The following LILRB5 variants were observed in gnomAD, a reference collection of about 807,000 sequenced individuals.
LILRB5 encodes the protein leukocyte immunoglobulin-like receptor subfamily B member 5.
LILRB5 carries 61 observed loss-of-function variants against 68.4 expected under a neutral mutation model. The ratio of observed to expected loss-of-function variants is 0.89; its 90% confidence interval spans 0.73 to 1.10. LILRB5 has a LOEUF of 1.10. Among genes scored for constraint, LILRB5 ranks in the 50% least tolerant of loss-of-function variants. The pLI is 0.00. For synonymous variants in LILRB5, 356 were observed against 315.8 expected (o/e 1.13, Z -1.35); for missense variants, 771 against 751.6 (o/e 1.03, Z -0.30).
chr19:54,254,370 G>A lies in LILRB5; in HGVS notation c.1301C>T (p.Thr434Ile), dbSNP rs1261922400. 14 of 1,580,590 alleles carry A rather than the reference G, an allele frequency of 8.9e-6. No homozygotes were observed. The highest frequency in any genetic ancestry group is 1.1e-5 in the Non-Finnish European group (13 of 1,163,272). Residue 434 changes from threonine (T) to isoleucine (I), a missense_variant, in exon 7 of 13, where the codon ACA becomes ATA. Coordinates refer to ENST00000449561, the MANE Select transcript of LILRB5 (RefSeq NM_001081442.3). ...PSLSPTGSTP[T>I]PAGPEDQPLT... Reference sequence around the variant, plus strand: ...CAGAGGCCTCAGTGACTCACCAGGTGTGGGGGTGGAGCCTGTAGGTGAGAG... The same window carrying A: ...CAGAGGCCTCAGTGACTCACCAGGTATGGGGGTGGAGCCTGTAGGTGAGAG...
intron 4 of LILRB5, 27 bp downstream of exon 4, chr19:54,256,016 T>A (rs779473691): frequency 1.3e-6 from 2 of 1,510,712 alleles, no homozygotes; most frequent in East Asian, 4.5e-5. Flanking sequence ...CCCAAAATTA[T>A]ATAAAGAAGT....
In LILRB5 at chr19:54,254,546, G is replaced by C. The variant is rs1267011597; in HGVS notation, c.1256-131C>G. ...TCACCATTTGCATCCCAGGAGATGG[G>C]GCCAAGTGTGGGCATGCCTGGGGAG... On this transcript the variant is annotated intron_variant, in intron 6 of 12. Transcript: ENST00000449561. 3.9e-6 allele frequency: 5 copies of C among 1,286,670 alleles called. No individual in the cohort carries two copies. The South Asian group carries it at 6.8e-5, about 18-fold the overall frequency. 79.7% of individuals were successfully genotyped at this position (1,286,670 alleles called of 1,614,324 possible).
Position 54,255,796 on chromosome 19 carries a change from T to A in LILRB5, c.656-214A>T, listed in dbSNP as rs1601045587. The A allele has an allele frequency of 7.1e-6, 5 of 707,526 alleles. No homozygotes were observed. The African/African-American group carries it at 7.2e-5, about 10-fold the overall frequency. 43.8% of individuals were successfully genotyped at this position (707,526 alleles called of 1,614,324 possible). On this transcript the variant is annotated intron_variant, in intron 4 of 12. Transcript: ENST00000449561. ...GCCACTGTCTGTCTGGTCTGTCCTC[T>A]CCTCATTGAGGGACAGGAAATTGCA...
At chr19:54,253,993 C>T in intron 8 of LILRB5, 25 bp downstream of exon 8, 2 of 1,575,310 alleles carry the variant, frequency 1.3e-6, no homozygotes, top group African/African-American at 2.7e-5. Context: ...CTCCGCCCAC[C>T]TCCCACTCAG....
chr19:54,254,650 G>A (rs772677955), intron 6 of LILRB5, 85 bp downstream of exon 6: 19 of 1,540,640 alleles, frequency 1.2e-5, no homozygotes, highest in South Asian at 2.3e-5. Flanking sequence ...CCCGCACCGC[G>A]ACTCCATCCC....
chr19:54,255,475 G>C lies in LILRB5; in HGVS notation c.763C>G (p.Leu255Val). 2 of 1,614,138 alleles carry C rather than the reference G, an allele frequency of 1.2e-6. No homozygotes were observed. The highest frequency in any genetic ancestry group is 1.7e-6 in the Non-Finnish European group (2 of 1,180,000). ...AGGTCATGTTCCCCCTCCTTGTACA[G>C]AACGAATATGTCATAGCCGACATCA... ...RSDVGYDIFV[L>V]YKEGEHDLVQ... The change falls in exon 5 of 13, where the codon CTG becomes GTG. Residue 255 changes from leucine to valine, a missense_variant. Physicochemically the swap from Leu to Val is conservative, Grantham distance 32. Coordinates refer to ENST00000449561, the MANE Select transcript of LILRB5 (RefSeq NM_001081442.3).
chr19:54,250,540 C>T lies in LILRB5; in HGVS notation c.*246G>A. The T allele has an allele frequency of 1.9e-6, 1 of 523,754 alleles. No individual in the cohort carries two copies. The highest frequency in any genetic ancestry group is 3.3e-5 in the South Asian group (1 of 30,644). 32.4% of individuals were successfully genotyped at this position (523,754 alleles called of 1,614,324 possible). A position where few individuals can be genotyped will look rare whatever the true frequency, so the allele number is the denominator to read the frequency against. ...CCAAATTTATACCATGCTCTAATTT[C>T]TGTTTCAGTTTTCTCAGCTCATTGA... On this transcript the variant is annotated 3_prime_UTR_variant, in exon 13 of 13. Coordinates refer to ENST00000449561, the MANE Select transcript of LILRB5 (RefSeq NM_001081442.3).
intron 12 of LILRB5, chr19:54,251,715 G>A (rs1359651490): frequency 3.1e-6 from 2 of 649,606 alleles, no homozygotes; most frequent in African/African-American, 1.8e-5. Flanking sequence ...CATCCACAGT[G>A]AGCTCCCTGG....
At position 54,256,688 on chromosome 19, in the gene LILRB5, G is replaced by A. The variant is rs2147668282; in HGVS notation, c.156C>T (p.Pro52=). The change falls in exon 3 of 13, where the codon CCC becomes CCT. Residue 52 remains proline, a synonymous_variant. Coordinates refer to ENST00000449561, the MANE Select transcript of LILRB5 (RefSeq NM_001081442.3). ...GKPVTLWCQG[P]LETEEYRLDK... is the part of the protein sequence containing the mutation. ...CCAGACGGTACTCCTCAGTCTCCAG[G>A]GGCCCCTGACACCAGAGGGTCACGG... The A allele has an allele frequency of 6.2e-7, 1 of 1,614,130 alleles. No homozygotes were observed. The highest frequency in any genetic ancestry group is 1.6e-4 in the Middle Eastern group (1 of 6,062).
intron 4 of LILRB5, 181 bp from the exon 5 acceptor site, chr19:54,255,763 G>C: frequency 1.3e-6 from 1 of 798,512 alleles, no homozygotes; most frequent in South Asian, 1.8e-5. Flanking sequence ...GTGTCTCTCT[G>C]ACTCCTGGCC....
chr19:54,253,994 TC>T, intron 8 of LILRB5, 23 bp downstream of exon 8: 1 of 1,575,614 alleles, frequency 6.3e-7, no homozygotes, highest in Non-Finnish European at 8.6e-7. Context: ...TCCGCCCACC[TC>T]CCACTCAGAG....
chr19:54,253,946 T>G, intron 8 of LILRB5, 72 bp downstream of exon 8: 1 of 1,552,924 alleles, frequency 6.4e-7, no homozygotes, highest in East Asian at 2.4e-5. Context: ...CAGAGGAGCC[T>G]GAACCTACGA....
chr19:54,252,260 C>T, intron 11 of LILRB5, 106 bp downstream of exon 11: 1 of 1,428,038 alleles, frequency 7.0e-7, no homozygotes, highest in Non-Finnish European at 9.8e-7. Flanking sequence ...AGACCGCCTC[C>T]CCCTTGGCCC....
Position 54,252,156 on chromosome 19 carries a change from T to C in LILRB5, c.1577-50A>G, listed in dbSNP as rs112467225. The C allele has an allele frequency of 3.4e-3, 5,386 of 1,599,120 alleles. 147 individuals carry two copies. The African/African-American group carries it at 0.062, about 18-fold the overall frequency. On this transcript the variant is annotated intron_variant, in intron 11 of 12. Coordinates refer to ENST00000449561, the MANE Select transcript of LILRB5 (RefSeq NM_001081442.3). Reference sequence around the variant, plus strand: ...ATCTCCTGGGAAGGTTCTCTGAGACTTCTCCGTCCTGCCAGCCCTTGCCCT... The same window carrying C: ...ATCTCCTGGGAAGGTTCTCTGAGACCTCTCCGTCCTGCCAGCCCTTGCCCT...
At position 54,250,608 on chromosome 19, in the gene LILRB5, A is replaced by G; in HGVS notation, c.*178T>C. On this transcript the variant is annotated 3_prime_UTR_variant, in exon 13 of 13. Transcript: ENST00000449561. ...GGCTTCATTTCAAAAATGCAAGGAT[A>G]TTAGTCATCTTTGACTGCAGAATCT... The G allele has an allele frequency of 1.4e-6, 1 of 696,154 alleles. No individual in the cohort carries two copies. The highest frequency in any genetic ancestry group is 2.4e-6 in the Non-Finnish European group (1 of 421,492). The allele number at this position is 696,154 out of a possible 1,614,324, so 43.1% of individuals were successfully genotyped here.
At chr19:54,253,824 C>T in intron 8 of LILRB5, 194 bp downstream of exon 8, 1 of 1,474,334 alleles carries the variant, frequency 6.8e-7, no homozygotes, top group Non-Finnish European at 9.1e-7. Flanking sequence ...GTCACTGCTG[C>T]CGGTGGGACA....
In LILRB5 at chr19:54,255,558, A is replaced by G. The variant is rs750560010; in HGVS notation, c.680T>C (p.Leu227Pro). The G allele has an allele frequency of 6.2e-7, 1 of 1,613,594 alleles. No individual in the cohort carries two copies. Among genetic ancestry groups the G allele is most frequent in the Admixed American group, 1.7e-5 (1 of 59,986 alleles). ...VPGVSRKPSL[L>P]IPQGSVVARG... The stretch of plus-strand genomic sequence containing the variant: ...GGCCACGACAGAGCCCTGCGGGATC[A>G]GGAGGGAGGGCTTCCTAGACACGCC... The change falls in exon 5 of 13, where the codon CTG becomes CCG. Residue 227 changes from leucine (L) to proline (P), a missense_variant. Leu to Pro is a moderately conservative substitution (Grantham distance 98). Coordinates refer to ENST00000449561, the MANE Select transcript of LILRB5 (RefSeq NM_001081442.3).
intron 1 of LILRB5, 56 bp from the exon 2 acceptor site, chr19:54,257,052 C>G (rs2079172393): frequency 1.2e-6 from 2 of 1,614,008 alleles, no homozygotes; most frequent in African/African-American, 1.3e-5. Context: ...CAGTTCCTCT[C>G]CTCCCTCGGA....
intron 4 of LILRB5, 138 bp downstream of exon 4, chr19:54,255,905 G>A (rs1215069913): frequency 1.3e-6 from 1 of 746,690 alleles, no homozygotes; most frequent in Admixed American, 3.0e-5. Flanking sequence ...GAGCCTCCCC[G>A]TGGGGTCTTC....
Sources: gnomAD v4.1 joint callset for allele counts on GRCh38, gnomAD v4.1.1 for gene constraint, MANE v1.5 for transcripts, NCBI Gene and HGNC (gene_info 2026-07-23, HGNC 2026-07-21) for gene names.